IGF2BP2: variants seen among roughly 807,000 people sequenced by gnomAD.
IGF2BP2 encodes the protein insulin like growth factor 2 mRNA binding protein 2.
IGF2BP2 carries 17 observed loss-of-function variants against 75.8 expected under a neutral mutation model. The ratio of observed to expected loss-of-function variants is 0.22; its 90% CI spans 0.15 to 0.34. The LOEUF is 0.34. Among genes scored for constraint, IGF2BP2 ranks in the 10% least tolerant of loss-of-function variants. IGF2BP2 has a pLI of 1.00. For missense variants in IGF2BP2, 516 were observed against 772.4 expected (o/e 0.67, Z 3.93); for synonymous variants, 288 against 295.6 (o/e 0.97, Z 0.26).
At chr3:185,679,628 T>C (rs528769024) in intron 7 of IGF2BP2, among the ~76,000 whole-genome samples, 3 of 152,334 alleles carry the variant, frequency 2.0e-5, no homozygotes, top group South Asian at 2.1e-4. Flanking sequence ...TTTTCTTTCT[T>C]TTTTTGAGAT....
chr3:185,657,421 AAAG>A lies in IGF2BP2; in HGVS notation c.1270-22_1270-20del. On this transcript the variant is annotated intron_variant, in intron 11 of 15. Coordinates refer to ENST00000382199, the MANE Select transcript of IGF2BP2 (RefSeq NM_006548.6). ...CTGGATACTGGGAGGGCGAGACAAG[AAAG>A]AAGACATCATTCCAACCAGGCTTTC... 6.4e-7 allele frequency: 1 copy of A among 1,573,332 alleles called. No homozygotes were observed. The highest frequency in any genetic ancestry group is 8.7e-7 in the Non-Finnish European group (1 of 1,144,540).
intron 2 of IGF2BP2, among the ~76,000 whole-genome samples, chr3:185,808,902 T>G (rs11711477): frequency 2.2e-4 from 34 of 152,064 alleles, no homozygotes; most frequent in Non-Finnish European, 8.8e-5. Context: ...CTGCTTTGCA[T>G]TTAAAATTTA....
chr3:185,785,208 G>A (rs1735711872), intron 2 of IGF2BP2, among the ~76,000 whole-genome samples: 1 of 151,712 alleles, frequency 6.6e-6, no homozygotes, highest in Admixed American at 6.6e-5. Flanking sequence ...GGTTGAGGCA[G>A]GAGAATCGCT....
chr3:185,729,872 G>A (rs765214791), intron 2 of IGF2BP2: 1 of 152,124 alleles, frequency 6.6e-6, no homozygotes. Flanking sequence ...GCAGACATGC[G>A]AATATATGTA....
intron 2 of IGF2BP2, among the ~76,000 whole-genome samples, chr3:185,816,206 T>C (rs533136075): frequency 6.6e-6 from 1 of 152,258 alleles, no homozygotes; most frequent in Non-Finnish European, 1.5e-5. Flanking sequence ...TCTGTGTGGC[T>C]CAGATGTTGA....
At chr3:185,800,186 C>T (rs147920412) in intron 2 of IGF2BP2, among the ~76,000 whole-genome samples, 8,985 of 152,128 alleles carry the variant, frequency 0.059, 314 homozygotes, top group African/African-American at 0.1. Flanking sequence ...GAGAGAAAAC[C>T]AAACACTGCA....
At chr3:185,665,209 G>C (rs1225768698) in intron 10 of IGF2BP2, among the ~76,000 whole-genome samples, 1 of 144,100 alleles carries the variant, frequency 6.9e-6, no homozygotes, top group Non-Finnish European at 1.5e-5. Flanking sequence ...GGAGAAGAAG[G>C]AGAAGGAAGA....
chr3:185,700,476 G>T (rs183015205), intron 2 of IGF2BP2, among the ~76,000 whole-genome samples: 71 of 152,234 alleles, frequency 4.7e-4, no homozygotes, highest in African/African-American at 1.7e-3. Context: ...CCTCTATGCT[G>T]TGAAGGCTAA....
intron 7 of IGF2BP2, 145 bp downstream of exon 7, chr3:185,686,912 G>A: frequency 1.2e-6 from 1 of 853,680 alleles, no homozygotes; most frequent in South Asian, 1.7e-5. Context: ...TTCTACTTGG[G>A]AACAAATTTC....
intron 2 of IGF2BP2, among the ~76,000 whole-genome samples, chr3:185,732,621 ACCC>A (rs1728341129): frequency 2.0e-5 from 3 of 152,172 alleles, no homozygotes. Context: ...CTTCTGCAAG[ACCC>A]ATGTCTCAAG....
intron 2 of IGF2BP2, among the ~76,000 whole-genome samples, chr3:185,705,009 A>G (rs1723816433): frequency 6.6e-6 from 1 of 152,236 alleles, no homozygotes; most frequent in South Asian, 2.1e-4. Context: ...AAGAGAAAAA[A>G]CAAATGATAA....
chr3:185,685,292 T>C (rs1720964769), intron 7 of IGF2BP2, among the ~76,000 whole-genome samples: 1 of 151,288 alleles, frequency 6.6e-6, no homozygotes, highest in Non-Finnish European at 1.5e-5. Context: ...GAGGTTGCAG[T>C]GAGCCAAGAT....
chr3:185,716,667 C>T (rs530461279), intron 2 of IGF2BP2: 5 of 520,126 alleles, frequency 9.6e-6, no homozygotes, highest in African/African-American at 7.7e-5. Context: ...GCTCCCTGAT[C>T]TGGTTAAGGA....
At chr3:185,742,263 G>T (rs1268115967) in intron 2 of IGF2BP2, among the ~76,000 whole-genome samples, 1 of 151,930 alleles carries the variant, frequency 6.6e-6, no homozygotes, top group Non-Finnish European at 1.5e-5. Flanking sequence ...AGAGGCCAAG[G>T]CAAGTGGATT....
intron 6 of IGF2BP2, among the ~76,000 whole-genome samples, chr3:185,687,777 TCCTA>T (rs1425729759): frequency 6.6e-6 from 1 of 152,256 alleles, no homozygotes; most frequent in Non-Finnish European, 1.5e-5. Flanking sequence ...GTAGTTGTGG[TCCTA>T]CCTGTTTTTG....
intron 13 of IGF2BP2, 84 bp downstream of exon 13, chr3:185,652,010 T>C: frequency 9.3e-7 from 1 of 1,073,422 alleles, no homozygotes. Flanking sequence ...AGGCTGGGCC[T>C]CCAAAGAAGA....
At chr3:185,711,171 G>C (rs1031959809) in intron 2 of IGF2BP2, among the ~76,000 whole-genome samples, 7 of 152,204 alleles carry the variant, frequency 4.6e-5, no homozygotes, top group East Asian at 1.9e-4. Flanking sequence ...AATTAGGGCA[G>C]AGATAACTTT....
At chr3:185,795,260 A>C (rs1322278420) in intron 2 of IGF2BP2, among the ~76,000 whole-genome samples, 1 of 152,186 alleles carries the variant, frequency 6.6e-6, no homozygotes, top group African/African-American at 2.4e-5. Context: ...TTTCATTAGC[A>C]AAATGTCTTC....
chr3:185,674,058 G>T (rs563148843), intron 9 of IGF2BP2, among the ~76,000 whole-genome samples: 2 of 152,210 alleles, frequency 1.3e-5, no homozygotes, highest in Non-Finnish European at 2.9e-5. Context: ...GTCATGTGAC[G>T]TGGGCTGCTA....
Sources: allele counts gnomAD v4.1 joint callset (sites outside exome capture counted in the v4.1 genomes callset), GRCh38; gene constraint gnomAD v4.1.1; transcripts MANE v1.5; gene names NCBI Gene and HGNC (gene_info 2026-07-23, HGNC 2026-07-21).